Variants in ABAT observed in about 807,000 individuals in gnomAD.
ABAT encodes the protein 4-aminobutyrate aminotransferase.
Under a neutral mutation model 64.6 loss-of-function variants are expected in ABAT, and 45 were observed. The ratio of observed to expected loss-of-function variants is 0.70; its 90% CI spans 0.55 to 0.89. ABAT has a LOEUF of 0.89. Among genes scored for constraint, ABAT ranks in the 40% least tolerant of loss-of-function variants. ABAT has a pLI of 0.00. For synonymous variants in ABAT, 297 were observed against 250.5 expected (o/e 1.19, Z -1.75); for missense variants, 633 against 658.4 (o/e 0.96, Z 0.42).
intron 1 of ABAT, among the ~76,000 whole-genome samples, chr16:8,729,828 TAAAAA>T (rs5815494): frequency 2.3e-5 from 3 of 128,456 alleles, no homozygotes; most frequent in Admixed American, 8.0e-5. Context: ...TTTTTTGTCT[TAAAAA>T]AAAAAAAAAA....
chr16:8,735,057 A>AG, intron 1 of ABAT, among the ~76,000 whole-genome samples: 1 of 149,964 alleles, frequency 6.7e-6, no homozygotes, highest in Non-Finnish European at 1.5e-5. Flanking sequence ...AAAAAAAAAA[A>AG]TCACTGGGCA....
intron 2 of ABAT, among the ~76,000 whole-genome samples, chr16:8,737,933 AAGAAAGGAAAGG>A (rs57595842): frequency 0.11 from 11,654 of 104,404 alleles, 2,012 homozygotes; most frequent in South Asian, 0.19. Context: ...AAAAAAAAAA[AAGAAAGGAAAGG>A]AAGAAAGGAA....
At position 8,746,282 on chromosome 16, in the gene ABAT, G is replaced by T. The variant is rs1031719414; in HGVS notation, c.168+184G>T. 7.9e-5 allele frequency among the ~76,000 whole-genome samples: 12 copies of T among 152,088 alleles called. 1 individual carries two copies. The South Asian group carries it at 1.5e-3, about 18-fold the overall frequency. ...ACAAAGCCAAAGAAGGGCTGGGCGC[G>T]GTGGCTGACGCTGTAATCCCAACAC... On this transcript the variant is annotated intron_variant, in intron 3 of 15. Coordinates refer to ENST00000268251, the MANE Select transcript of ABAT (RefSeq NM_020686.6).
At chr16:8,705,151 A>G (rs2057911413) in intron 1 of ABAT, among the ~76,000 whole-genome samples, 1 of 152,178 alleles carries the variant, frequency 6.6e-6, no homozygotes, top group Non-Finnish European at 1.5e-5. Context: ...ATTCATAAAC[A>G]AAAGAGGCTT....
intron 1 of ABAT, among the ~76,000 whole-genome samples, chr16:8,719,710 T>C (rs571322348): frequency 6.6e-6 from 1 of 152,150 alleles, no homozygotes; most frequent in East Asian, 1.9e-4. Context: ...CTGGGAAACG[T>C]AGTGAGACCT....
At chr16:8,766,716 C>T (rs901720220) in intron 9 of ABAT, among the ~76,000 whole-genome samples, 1 of 151,978 alleles carries the variant, frequency 6.6e-6, no homozygotes, top group Non-Finnish European at 1.5e-5. Context: ...CGCCTGTAAT[C>T]CCAGCACTTT....
At chr16:8,712,724 T>G (rs1214091957) in intron 1 of ABAT, 1 of 152,238 alleles carries the variant, frequency 6.6e-6, no homozygotes, top group Non-Finnish European at 1.5e-5. Flanking sequence ...TGCTGATTAC[T>G]GCACCGAGGA....
intron 1 of ABAT, among the ~76,000 whole-genome samples, chr16:8,700,036 G>T (rs534763004): frequency 6.6e-6 from 1 of 152,122 alleles, no homozygotes; most frequent in Non-Finnish European, 1.5e-5. Context: ...GCCCAGGCTG[G>T]TCTTAAACTC....
At chr16:8,712,747 G>C (rs957454059) in intron 1 of ABAT, 2 of 152,140 alleles carry the variant, frequency 1.3e-5, no homozygotes, top group African/African-American at 4.8e-5. Flanking sequence ...CCGGTATCTG[G>C]CTTGTAATAA....
intron 5 of ABAT, 93 bp downstream of exon 5, chr16:8,750,632 G>C: frequency 6.3e-6 from 7 of 1,116,330 alleles, no homozygotes; most frequent in Non-Finnish European, 9.6e-6. Context: ...CTTCCAGCAG[G>C]CACATCCCAG....
chr16:8,728,422 T>C (rs2058620994), intron 1 of ABAT, among the ~76,000 whole-genome samples: 1 of 152,188 alleles, frequency 6.6e-6, no homozygotes, highest in African/African-American at 2.4e-5. Context: ...TTAATGGAAA[T>C]TGAATTGTGT....
intron 2 of ABAT, among the ~76,000 whole-genome samples, chr16:8,739,207 C>G (rs1050766890): frequency 6.6e-6 from 1 of 152,204 alleles, no homozygotes; most frequent in East Asian, 1.9e-4. Context: ...GTGGCACCAT[C>G]TTTAAAGGTC....
intron 1 of ABAT, among the ~76,000 whole-genome samples, chr16:8,688,654 T>C (rs1234825194): frequency 6.6e-6 from 1 of 152,200 alleles, no homozygotes; most frequent in East Asian, 1.9e-4. Flanking sequence ...GGTCTTACTA[T>C]GTTGCCCAGG....
intron 11 of ABAT, among the ~76,000 whole-genome samples, chr16:8,772,001 G>A (rs182333531): frequency 6.6e-6 from 1 of 152,188 alleles, no homozygotes; most frequent in African/African-American, 2.4e-5. Flanking sequence ...CTGGCCTCAA[G>A]GTATCCTCCT....
At chr16:8,682,832 T>C (rs2057367128) in intron 1 of ABAT, among the ~76,000 whole-genome samples, 1 of 152,188 alleles carries the variant, frequency 6.6e-6, no homozygotes, top group African/African-American at 2.4e-5. Context: ...AGGAGCTAGC[T>C]AGAAATGCAG....
intron 1 of ABAT, among the ~76,000 whole-genome samples, chr16:8,711,491 T>C (rs1417948306): frequency 6.6e-6 from 1 of 152,088 alleles, no homozygotes; most frequent in East Asian, 1.9e-4. Context: ...GAGTAGGCAG[T>C]GGGTCTGTTA....
chr16:8,732,370 C>A (rs1037424493), intron 1 of ABAT, among the ~76,000 whole-genome samples: 1 of 150,754 alleles, frequency 6.6e-6, no homozygotes, highest in African/African-American at 2.5e-5. Flanking sequence ...ACCCTGCGGC[C>A]TTCCGCAGTG....
intron 2 of ABAT, among the ~76,000 whole-genome samples, chr16:8,743,684 GTTATA>G: frequency 6.9e-6 from 1 of 144,390 alleles, no homozygotes; most frequent in Non-Finnish European, 1.5e-5. Flanking sequence ...ATATATTTTA[GTTATA>G]ATATATATTT....
At chr16:8,758,248 G>A (rs577860234) in intron 6 of ABAT, among the ~76,000 whole-genome samples, 3 of 152,276 alleles carry the variant, frequency 2.0e-5, no homozygotes, top group South Asian at 2.1e-4. Context: ...GTATTTGCCC[G>A]AGGTCACACA....
Sources: allele counts gnomAD v4.1 joint callset (sites outside exome capture counted in the v4.1 genomes callset), GRCh38; gene constraint gnomAD v4.1.1; transcripts MANE v1.5; gene names NCBI Gene and HGNC (gene_info 2026-07-23, HGNC 2026-07-21).